AIF1L: variants seen among roughly 807,000 people sequenced by gnomAD.
AIF1L encodes the protein allograft inflammatory factor 1 like.
AIF1L carries 12 observed loss-of-function variants against 20.7 expected under a neutral mutation model. The observed-to-expected ratio is 0.58, with a 90% CI of 0.37 to 0.94. The LOEUF is 0.94. AIF1L is among the 40% of genes least tolerant of loss of function. The pLI, the probability that AIF1L is intolerant of heterozygous loss-of-function variation, is 0.01. For synonymous variants in AIF1L, 76 were observed against 65.1 expected (o/e 1.17, Z -0.81); for missense variants, 173 against 185.3 (o/e 0.93, Z 0.39).
At chr9:131,109,664 C>G (rs1374911411) in intron 2 of AIF1L, among the ~76,000 whole-genome samples, 1 of 152,234 alleles carries the variant, frequency 6.6e-6, no homozygotes, top group African/African-American at 2.4e-5. Context: ...GCTTCCCCAT[C>G]TGAATACAGG....
At chr9:131,117,967 G>T (rs766161701) in intron 5 of AIF1L, 49 bp downstream of exon 5, 6 of 1,532,536 alleles carry the variant, frequency 3.9e-6, no homozygotes, top group Non-Finnish European at 4.4e-6. Context: ...AAATCATTCT[G>T]TGCAGAGAGG....
intron 2 of AIF1L, among the ~76,000 whole-genome samples, chr9:131,101,976 G>A (rs1830649169): frequency 2.6e-5 from 4 of 152,100 alleles, no homozygotes; most frequent in African/African-American, 9.7e-5. Flanking sequence ...GAGTGCAGTG[G>A]CATGATCTCG....
Position 131,109,700 on chromosome 9 carries a change from G to A in AIF1L, c.94-1897G>A, listed in dbSNP as rs143053424. ...TTCCAGGGCTGCTGAAAGATTAGCC[G>A]CAAGATACATAAGTTACCTGGCACT... On this transcript the variant is annotated intron_variant, in intron 2 of 5. Coordinates refer to ENST00000247291, the MANE Select transcript of AIF1L (RefSeq NM_031426.4). 3.9e-4 allele frequency among the ~76,000 whole-genome samples: 59 copies of A among 152,306 alleles called. No homozygotes were observed. The East Asian group carries it at 4.2e-3, about 11-fold the overall frequency.
chr9:131,121,293 T>C lies in AIF1L; in HGVS notation c.*971T>C. The C allele has an allele frequency of 3.5e-6, 2 of 578,636 alleles. No individual in the cohort carries two copies. The highest frequency in any genetic ancestry group is 4.7e-5 in the South Asian group (2 of 42,152). The allele number at this position is 578,636 out of a possible 1,614,324, so 35.8% of individuals were successfully genotyped here. A position where few individuals can be genotyped will look rare whatever the true frequency, so the allele number is the denominator to read the frequency against. ...CTACTCACATAATTCACTCATTGAC[T>C]CACTCATTCACCAGATATTTATTGA... is the stretch of plus-strand genomic sequence containing the variant. On this transcript the variant is annotated 3_prime_UTR_variant, in exon 6 of 6. Coordinates refer to ENST00000247291, the MANE Select transcript of AIF1L (RefSeq NM_031426.4).
intron 4 of AIF1L, among the ~76,000 whole-genome samples, chr9:131,117,257 G>A (rs913771788): frequency 7.2e-5 from 11 of 152,284 alleles, no homozygotes; most frequent in Middle Eastern, 3.4e-3. Flanking sequence ...CCTGCCACTC[G>A]GCACCCAGCA....
At chr9:131,113,835 C>G (rs568294282) in intron 3 of AIF1L, 2 of 152,372 alleles carry the variant, frequency 1.3e-5, no homozygotes, top group Admixed American at 1.3e-4. Flanking sequence ...CTGCTGGCTG[C>G]TTGTGGGGCA....
At chr9:131,102,824 C>A (rs1331451010) in intron 2 of AIF1L, 1 of 453,110 alleles carries the variant, frequency 2.2e-6, no homozygotes, top group Non-Finnish European at 4.4e-6. Context: ...TACGCCCCGG[C>A]ATGGTGCTTC....
At chr9:131,096,758 C>G in intron 1 of AIF1L, 44 bp from the exon 2 acceptor site, 2 of 1,505,368 alleles carry the variant, frequency 1.3e-6, no homozygotes, top group East Asian at 2.8e-5. Flanking sequence ...GCGCGTGGCC[C>G]GAAGAGGACC....
In AIF1L at chr9:131,096,643, T is replaced by C; in HGVS notation, c.14T>C (p.Leu5Pro). ...CCCGCGCTCGCCATGTCGGGCGAGC[T>C]CAGCAACAGGTTCCAAGGTAGGCGC... MSGELSNRFQGGKAF... is the reference protein window; with the variant it reads MSGEPSNRFQGGKAF... The change falls in exon 1 of 6, where the codon CTC becomes CCC. Residue 5 changes from leucine to proline, a missense_variant. Leu to Pro is a moderately conservative substitution (Grantham distance 98). Coordinates refer to ENST00000247291, the MANE Select transcript of AIF1L (RefSeq NM_031426.4). The C allele has an allele frequency of 6.7e-7, 1 of 1,484,442 alleles. No homozygotes were observed. Among genetic ancestry groups the C allele is most frequent in the Non-Finnish European group, 8.9e-7 (1 of 1,125,398 alleles). 92.0% of individuals were successfully genotyped at this position (1,484,442 alleles called of 1,614,324 possible). A position where few individuals can be genotyped will look rare whatever the true frequency, so the allele number is the denominator to read the frequency against.
intron 2 of AIF1L, chr9:131,098,032 C>T (rs573426609): frequency 4.2e-4 from 64 of 152,546 alleles, no homozygotes; most frequent in African/African-American, 1.4e-3. Context: ...GGAAGTGGGC[C>T]GCTGGTGAGG....
At position 131,110,463 on chromosome 9, in the gene AIF1L, AGAC is replaced by A. The variant is rs375942043; in HGVS notation, c.94-1128_94-1126del. Among the ~76,000 whole-genome samples, 442 of 151,766 alleles carry A rather than the reference AGAC, an allele frequency of 2.9e-3. 1 individual carries two copies. The highest frequency in any genetic ancestry group is 5.3e-3 in the Non-Finnish European group (361 of 67,898). On this transcript the variant is annotated intron_variant, in intron 2 of 5. Coordinates refer to ENST00000247291, the MANE Select transcript of AIF1L (RefSeq NM_031426.4). ...TACAGTCATTTTCCCGTTAGAGCAG[AGAC>A]GACGAATTCACACTCTCACTGGATT...
Position 131,120,263 on chromosome 9 carries a change from G to A in AIF1L, c.394G>A (p.Glu132Lys), listed in dbSNP as rs191543840. 528 of 1,613,520 alleles carry A rather than the reference G, an allele frequency of 3.3e-4. No individual in the cohort carries two copies. The highest frequency in any genetic ancestry group is 4.0e-4 in the Non-Finnish European group (477 of 1,179,878). Residue 132 changes from glutamate (E) to lysine (K), a missense_variant, in exon 6 of 6, where the codon GAG (glutamate) becomes AAG (lysine). Transcript: ENST00000247291. ...LVMMFEGKAN[E>K]SSPKPVGPPP... ...CATGATGTTTGAAGGAAAAGCCAAC[G>A]AGAGCAGCCCCAAGCCAGTTGGCCC...
At position 131,121,893 on chromosome 9, in the gene AIF1L, CCTGTGTT is replaced by C. The variant is rs979501229; in HGVS notation, c.*1575_*1581del. On this transcript the variant is annotated 3_prime_UTR_variant, in exon 6 of 6. Coordinates refer to ENST00000247291, the MANE Select transcript of AIF1L (RefSeq NM_031426.4). ...ATCAGGGTGTTCAGCCTTAACCCCA[CCTGTGTT>C]CTGAAGTCTCTTACCCTACCTGCTC... 3 of 152,252 alleles carry C rather than the reference CCTGTGTT, an allele frequency of 2.0e-5. No individual in the cohort carries two copies. The highest frequency in any genetic ancestry group is 7.2e-5 in the African/African-American group (3 of 41,466). 9.4% of individuals were successfully genotyped at this position (152,252 alleles called of 1,614,324 possible).
chr9:131,122,142 G>C lies in AIF1L; in HGVS notation c.*1820G>C, dbSNP rs145512675. On this transcript the variant is annotated 3_prime_UTR_variant, in exon 6 of 6. Coordinates refer to ENST00000247291, the MANE Select transcript of AIF1L (RefSeq NM_031426.4). ...CCTAGATGGGCCCAAGACTGGGTGAGAGTCTTGGCAGAGCCTTTGCAACAC... is the reference window on the plus strand; with the variant it reads ...CCTAGATGGGCCCAAGACTGGGTGACAGTCTTGGCAGAGCCTTTGCAACAC... The C allele has an allele frequency of 6.9e-3, 1,044 of 152,398 alleles. 10 individuals are homozygous for C. Among genetic ancestry groups the C allele is most frequent in the Middle Eastern group, 0.024 (7 of 294 alleles). The allele number at this position is 152,398 out of a possible 1,614,324, so 9.4% of individuals were successfully genotyped here. A position where few individuals can be genotyped will look rare whatever the true frequency, so the allele number is the denominator to read the frequency against.
In AIF1L at chr9:131,106,803, G is replaced by C. The variant is rs1036883844; in HGVS notation, c.94-4794G>C. Among the ~76,000 whole-genome samples the C allele has an allele frequency of 6.6e-5, 10 of 150,534 alleles. No individual in the cohort carries two copies. In the East Asian group the frequency reaches 2.0e-3, roughly 30 times the overall value. The stretch of plus-strand genomic sequence containing the variant: ...AGGTGACATTCGGCCGCATTGAGAA[G>C]GTGACATTGAGGCTGGGTGTGGTGG... On this transcript the variant is annotated intron_variant, in intron 2 of 5. Coordinates refer to ENST00000247291, the MANE Select transcript of AIF1L (RefSeq NM_031426.4).
intron 4 of AIF1L, among the ~76,000 whole-genome samples, chr9:131,115,059 G>A (rs1047371789): frequency 6.6e-6 from 1 of 152,200 alleles, no homozygotes; most frequent in African/African-American, 2.4e-5. Context: ...TGGCACTTAC[G>A]TTCTGGTAGG....
At chr9:131,119,432 C>T (rs10124288) in intron 5 of AIF1L, among the ~76,000 whole-genome samples, 19,191 of 150,082 alleles carry the variant, frequency 0.13, 1,825 homozygotes, top group African/African-American at 0.28. Flanking sequence ...GCCCAGGAGG[C>T]GGAGGTTGCA....
chr9:131,110,783 G>C (rs867914803), intron 2 of AIF1L, among the ~76,000 whole-genome samples: 1 of 151,906 alleles, frequency 6.6e-6, no homozygotes, highest in Non-Finnish European at 1.5e-5. Context: ...GATTACAGGC[G>C]TGAACCGCCG....
rs143685006 is a variant in AIF1L at position 131,116,067 on chromosome 9, G to GCAT, written c.202+1452_202+1454dup. ...CACAGCAAGACAAAAAGACAAAAAT[G>GCAT]CATCACCCACAACCCCACCTCCCAG... is the stretch of plus-strand genomic sequence containing the variant. On this transcript the variant is annotated intron_variant, in intron 4 of 5. Transcript: ENST00000247291. Among the ~76,000 whole-genome samples, 1,366 of 151,064 alleles carry GCAT rather than the reference G, an allele frequency of 9.0e-3. 17 individuals are homozygous for GCAT. The highest frequency in any genetic ancestry group is 0.032 in the African/African-American group (1,299 of 41,088).
Sources: gnomAD v4.1 joint callset for allele counts (sites outside exome capture counted in the v4.1 genomes callset) on GRCh38, gnomAD v4.1.1 for gene constraint, MANE v1.5 for transcripts, NCBI Gene and HGNC (gene_info 2026-07-23, HGNC 2026-07-21) for gene names.